SGK3: variants seen among roughly 807,000 people sequenced by gnomAD.
The protein encoded by SGK3 is serine/threonine-protein kinase Sgk3.
In SGK3, 47 loss-of-function variants were observed where a neutral mutation model predicts 68.5. The ratio of observed to expected loss-of-function variants is 0.69; its 90% confidence interval spans 0.54 to 0.87. The LOEUF (loss-of-function observed/expected upper bound fraction) is 0.87. Ranked by LOEUF, SGK3 falls within the 40% of genes least tolerant of loss-of-function variation. The pLI is 0.00. For missense variants in SGK3, 479 were observed against 575.5 expected (o/e 0.83, Z 1.72); for synonymous variants, 181 against 189.1 (o/e 0.96, Z 0.35).
chr8:66,807,388 A>T lies in SGK3; in HGVS notation c.253+2941A>T, dbSNP rs1284179985. On this transcript the variant is annotated intron_variant, in intron 4 of 16. Transcript: ENST00000521198. ...AGGAAAGAAAGCAAAGAAGTAAAAG[A>T]CTGGCAACATTGCTGCTTCATTGTT... is the stretch of plus-strand genomic sequence containing the variant. 1.9e-4 allele frequency among the ~76,000 whole-genome samples: 29 copies of T among 152,208 alleles called. 1 individual carries two copies. Among genetic ancestry groups the T allele is most frequent in the Admixed American group, 1.8e-3 (28 of 15,272 alleles).
chr8:66,718,451 G>A (rs1586665756), intron 1 of SGK3, among the ~76,000 whole-genome samples: 1 of 128,546 alleles, frequency 7.8e-6, no homozygotes, highest in Non-Finnish European at 1.6e-5. Context: ...TATATATTAT[G>A]TGTGTGTGTG....
chr8:66,713,875 G>A (rs1277689260), intron 1 of SGK3, among the ~76,000 whole-genome samples: 3 of 152,150 alleles, frequency 2.0e-5, no homozygotes, highest in African/African-American at 7.2e-5. Context: ...GTGCCTTCTG[G>A]TCCCCTTGGC....
intron 1 of SGK3, among the ~76,000 whole-genome samples, chr8:66,751,017 A>C (rs1317063024): frequency 6.6e-6 from 1 of 150,838 alleles, no homozygotes; most frequent in African/African-American, 2.4e-5. Flanking sequence ...AAAAAAAAAA[A>C]GGCCAGGCGC....
In SGK3 at chr8:66,859,453, G is replaced by A; in HGVS notation, c.1363G>A (p.Glu455Lys). ...CAGAAACTTTGACACAGCATTTACA[G>A]AAGAAACAGTTCCATATTCTGTGTG... is the stretch of plus-strand genomic sequence containing the variant. ...DIRNFDTAFTEETVPYSVCVS... is the reference protein window; with the variant it reads ...DIRNFDTAFTKETVPYSVCVS... Residue 455 changes from glutamate (E) to lysine (K), a missense_variant, in exon 17 of 17, where the codon GAA (glutamate) becomes AAA (lysine). This residue lies in a region of SGK3 where 173 missense variants were observed against 214.3 expected (regional missense o/e 0.81). Coordinates refer to ENST00000521198, the MANE Select transcript of SGK3 (RefSeq NM_001033578.3). The A allele has an allele frequency of 6.2e-7, 1 of 1,611,412 alleles. No homozygotes were observed. Among genetic ancestry groups the A allele is most frequent in the South Asian group, 1.1e-5 (1 of 90,692 alleles).
At chr8:66,858,576 C>T (rs181915624) in intron 16 of SGK3, among the ~76,000 whole-genome samples, 1 of 152,040 alleles carries the variant, frequency 6.6e-6, no homozygotes, top group African/African-American at 2.4e-5. Flanking sequence ...GGATCAGTGA[C>T]AAGCCTTGAG....
intron 1 of SGK3, among the ~76,000 whole-genome samples, chr8:66,772,560 A>AT (rs1251463218): frequency 0.094 from 11,691 of 124,126 alleles, 708 homozygotes; most frequent in South Asian, 0.14. Context: ...ACACCTGGCT[A>AT]TTTTTTTTTT....
At chr8:66,832,453 A>G (rs772630112) in intron 8 of SGK3, among the ~76,000 whole-genome samples, 11 of 152,176 alleles carry the variant, frequency 7.2e-5, no homozygotes, top group Non-Finnish European at 1.0e-4. Context: ...AAACCCATGT[A>G]TGTTTATTCA....
At chr8:66,812,492 A>G (rs1301462270) in intron 4 of SGK3, among the ~76,000 whole-genome samples, 2 of 151,848 alleles carry the variant, frequency 1.3e-5, no homozygotes, top group East Asian at 3.9e-4. Flanking sequence ...CAGGAGGTGA[A>G]GTTTGCAGTG....
intron 15 of SGK3, among the ~76,000 whole-genome samples, chr8:66,849,838 C>G (rs564702312): frequency 6.2e-4 from 94 of 152,134 alleles, no homozygotes; most frequent in Non-Finnish European, 9.8e-4. Context: ...TTCGGACTCC[C>G]AAAGTGCTGG....
chr8:66,775,081 T>C (rs984125548), intron 1 of SGK3: 10 of 152,382 alleles, frequency 6.6e-5, no homozygotes, highest in African/African-American at 2.4e-4. Flanking sequence ...CGGCAGCTCC[T>C]TCGGGGGTGT....
chr8:66,802,499 G>A (rs1462376203), intron 3 of SGK3, among the ~76,000 whole-genome samples: 2 of 152,014 alleles, frequency 1.3e-5, no homozygotes, highest in African/African-American at 4.8e-5. Flanking sequence ...GACCAGCCCG[G>A]GCAATGACAT....
intron 1 of SGK3, among the ~76,000 whole-genome samples, chr8:66,760,768 C>T (rs1164560510): frequency 2.0e-5 from 3 of 152,006 alleles, no homozygotes. Context: ...CAAACAATCA[C>T]ACAAGGGCTT....
At position 66,728,544 on chromosome 8, in the gene SGK3, C is replaced by G. The variant is rs185637935; in HGVS notation, c.-122+15711C>G. 3.6e-3 allele frequency among the ~76,000 whole-genome samples: 552 copies of G among 152,142 alleles called. 7 individuals carry two copies. Among genetic ancestry groups the G allele is most frequent in the African/African-American group, 0.013 (527 of 41,508 alleles). On this transcript the variant is annotated intron_variant, in intron 1 of 16. Transcript: ENST00000521198. Reference sequence around the variant, plus strand: ...GTTTCACCATGTTGGCCAGGTTGGTCTCGAACTCCTGACCTCAGATGATCC... The same window carrying G: ...GTTTCACCATGTTGGCCAGGTTGGTGTCGAACTCCTGACCTCAGATGATCC...
intron 1 of SGK3, among the ~76,000 whole-genome samples, chr8:66,717,936 AGT>A (rs1804683455): frequency 6.6e-6 from 1 of 152,102 alleles, no homozygotes; most frequent in Non-Finnish European, 1.5e-5. Flanking sequence ...TCCTGGCCTC[AGT>A]TATCCACCCG....
intron 1 of SGK3, among the ~76,000 whole-genome samples, chr8:66,771,426 A>T (rs1442032760): frequency 6.6e-6 from 1 of 152,230 alleles, no homozygotes; most frequent in Non-Finnish European, 1.5e-5. Context: ...CTTACTTGGT[A>T]GTCATTTTGC....
intron 1 of SGK3, among the ~76,000 whole-genome samples, chr8:66,779,990 C>T (rs1045746537): frequency 6.6e-6 from 1 of 151,712 alleles, no homozygotes; most frequent in African/African-American, 2.4e-5. Context: ...TTTTATAAAG[C>T]CTTAGTTAAG....
At chr8:66,795,923 G>T (rs1228602127) in intron 2 of SGK3, among the ~76,000 whole-genome samples, 1 of 152,018 alleles carries the variant, frequency 6.6e-6, no homozygotes. Context: ...TTTGAAGCAA[G>T]AACTTCTTCA....
At chr8:66,761,045 A>G (rs1320640840) in intron 1 of SGK3, among the ~76,000 whole-genome samples, 1 of 152,066 alleles carries the variant, frequency 6.6e-6, no homozygotes, top group Non-Finnish European at 1.5e-5. Flanking sequence ...AAATGTACTC[A>G]AAGGTCAAGA....
At chr8:66,733,382 G>T (rs114341851) in intron 1 of SGK3, among the ~76,000 whole-genome samples, 207 of 152,236 alleles carry the variant, frequency 1.4e-3, no homozygotes, top group African/African-American at 4.6e-3. Flanking sequence ...TTTCCATTTT[G>T]ATCATGTGGC....
Sources: allele counts gnomAD v4.1 joint callset (sites outside exome capture counted in the v4.1 genomes callset), GRCh38; gene constraint gnomAD v4.1.1; regional missense constraint gnomAD v4.1.1; transcripts MANE v1.5; gene names NCBI Gene and HGNC (gene_info 2026-07-23, HGNC 2026-07-21).